Variants in FRS2 observed in about 807,000 individuals in gnomAD.
The protein encoded by FRS2 is FGFR signalling adaptor.
A neutral mutation model predicts 43.9 loss-of-function variants in FRS2; 8 were observed. That is an observed-to-expected ratio of 0.18 (90% CI 0.11 to 0.33). FRS2 has a LOEUF of 0.33. Ranked by LOEUF, FRS2 falls within the 10% of genes least tolerant of loss-of-function variation. FRS2 has a pLI of 1.00. For synonymous variants in FRS2, 219 were observed against 220.3 expected (o/e 0.99, Z 0.05); for missense variants, 534 against 627.6 (o/e 0.85, Z 1.59).
In FRS2 at chr12:69,503,468, A is replaced by C. The variant is rs906240844; in HGVS notation, c.-260-27397A>C. 2.6e-5 allele frequency among the ~76,000 whole-genome samples: 4 copies of C among 152,174 alleles called. No individual in the cohort carries two copies. The South Asian group carries it at 8.3e-4, about 31-fold the overall frequency. The stretch of plus-strand genomic sequence containing the variant: ...TTACAGGGTATATACATCATGGAGC[A>C]GGGATTTTGGATCTTAGAATTCTGC... On this transcript the variant is annotated intron_variant, in intron 1 of 8. Coordinates refer to ENST00000549921, the MANE Select transcript of FRS2 (RefSeq NM_001278356.2).
chr12:69,501,314 C>T (rs2135545572), intron 1 of FRS2, among the ~76,000 whole-genome samples: 1 of 152,258 alleles, frequency 6.6e-6, no homozygotes, highest in South Asian at 2.1e-4. Flanking sequence ...GAAGTACAGA[C>T]TGCTCATGGC....
rs1438078211 is a variant in FRS2 at position 69,470,392 on chromosome 12, A to G, written c.-399A>G. ...GCTCCCCCGGAAGTGCTTTTCCAAGATTCGGGCCGGAGAGAGGCCTTGTAG... is the reference window on the plus strand; with the variant it reads ...GCTCCCCCGGAAGTGCTTTTCCAAGGTTCGGGCCGGAGAGAGGCCTTGTAG... On this transcript the variant is annotated 5_prime_UTR_variant, in exon 1 of 9. Transcript: ENST00000549921. 1 of 398,374 alleles carries G rather than the reference A, an allele frequency of 2.5e-6. No individual in the cohort carries two copies. The highest frequency in any genetic ancestry group is 2.1e-5 in the African/African-American group (1 of 48,548). The allele number at this position is 398,374 out of a possible 1,614,324, so 24.7% of individuals were successfully genotyped here. A position where few individuals can be genotyped will look rare whatever the true frequency, so the allele number is the denominator to read the frequency against.
rs1416126951 is a variant in FRS2, at chr12:69,574,005, G to A, written c.577G>A (p.Val193Ile). Reference protein sequence around the residue: ...THPLLVAEEQVHTYVNTTGVQ... With the variant: ...THPLLVAEEQIHTYVNTTGVQ... Reference sequence around the variant, plus strand: ...TAATTCACTTTCTGTTTTGTTTTAGGTACATACCTATGTCAACACTACAGG... The same window carrying A: ...TAATTCACTTTCTGTTTTGTTTTAGATACATACCTATGTCAACACTACAGG... The change falls in exon 9 of 9, where the codon GTA (valine) becomes ATA (isoleucine). Residue 193 changes from valine to isoleucine, a missense_variant and splice_region_variant. This residue lies in a region of FRS2 where 446 missense variants were observed against 494.2 expected (regional missense o/e 0.90). Coordinates refer to ENST00000549921, the MANE Select transcript of FRS2 (RefSeq NM_001278356.2). The A allele has an allele frequency of 2.5e-6, 4 of 1,592,480 alleles. No homozygotes were observed. The highest frequency in any genetic ancestry group is 2.7e-5 in the African/African-American group (2 of 73,848).
In FRS2 at chr12:69,555,707, C is replaced by T. The variant is rs767377297; in HGVS notation, c.-121-6473C>T. On this transcript the variant is annotated intron_variant, in intron 3 of 8. Coordinates refer to ENST00000549921, the MANE Select transcript of FRS2 (RefSeq NM_001278356.2). The stretch of plus-strand genomic sequence containing the variant: ...CACTTGAGTGTGCACGTGTTTTGGT[C>T]CATACAGAGGCACTGGAACCAATAC... Among the ~76,000 whole-genome samples, 52 of 152,180 alleles carry T rather than the reference C, an allele frequency of 3.4e-4. 1 individual carries two copies. The highest frequency in any genetic ancestry group is 3.4e-3 in the Middle Eastern group (1 of 294).
intron 1 of FRS2, among the ~76,000 whole-genome samples, chr12:69,512,963 G>T (rs960006417): frequency 7.2e-5 from 11 of 152,052 alleles, no homozygotes; most frequent in Non-Finnish European, 1.0e-4. Flanking sequence ...ATTTTGAAGG[G>T]CAAAAGGAAG....
In FRS2 at chr12:69,553,522, ATTG is replaced by A. The variant is rs556591460; in HGVS notation, c.-121-8654_-121-8652del. Among the ~76,000 whole-genome samples the A allele has an allele frequency of 8.5e-5, 13 of 152,142 alleles. No individual in the cohort carries two copies. In the East Asian group the frequency reaches 2.1e-3, roughly 25 times the overall value. On this transcript the variant is annotated intron_variant, in intron 3 of 8. Transcript: ENST00000549921. Reference sequence around the variant, plus strand: ...TACCTTTAAATTTTGATTGGAGAATATTGTTGATTAAATTTTCCCTTCTTATGG... The same window carrying A: ...TACCTTTAAATTTTGATTGGAGAATATTGATTAAATTTTCCCTTCTTATGG...
rs528339028 is a variant in FRS2, at chr12:69,496,342, C to G, written c.-261+25812C>G. ...ATCCCAGTTACTCAGGCGGCTGAGG[C>G]AAGAGAATTGCTTGAACCGGCGAGG... On this transcript the variant is annotated intron_variant, in intron 1 of 8. Transcript: ENST00000549921. 5.9e-5 allele frequency among the ~76,000 whole-genome samples: 9 copies of G among 152,016 alleles called. 1 individual carries two copies. The East Asian group carries it at 1.7e-3, about 30-fold the overall frequency.
At chr12:69,529,023 C>T (rs1876532980) in intron 1 of FRS2, among the ~76,000 whole-genome samples, 2 of 152,194 alleles carry the variant, frequency 1.3e-5, no homozygotes, top group Admixed American at 6.5e-5. Context: ...TGGGGGATAG[C>T]AGATCATGGT....
intron 1 of FRS2, among the ~76,000 whole-genome samples, chr12:69,509,037 T>C (rs915616134): frequency 2.0e-5 from 3 of 152,248 alleles, no homozygotes; most frequent in African/African-American, 7.2e-5. Context: ...TTTCTTGTTA[T>C]TAATTCATTT....
rs1359961809 is a variant in FRS2 at position 69,575,447 on chromosome 12, A to G, written c.*492A>G. 6.5e-6 allele frequency: 1 copy of G among 154,098 alleles called. No homozygotes were observed. Among genetic ancestry groups the G allele is most frequent in the African/African-American group, 2.4e-5 (1 of 41,456 alleles). The allele number at this position is 154,098 out of a possible 1,614,324, so 9.5% of individuals were successfully genotyped here. ...CATTAATTAATGGCTTTTTGACTTG[A>G]GCCAAAACATATGTAAAGGAAACAG... On this transcript the variant is annotated 3_prime_UTR_variant, in exon 9 of 9. Coordinates refer to ENST00000549921, the MANE Select transcript of FRS2 (RefSeq NM_001278356.2).
In FRS2 at chr12:69,536,180, A is replaced by G. The variant is rs147771813; in HGVS notation, c.-122+4124A>G. On this transcript the variant is annotated intron_variant, in intron 3 of 8. Transcript: ENST00000549921. Reference sequence around the variant, plus strand: ...TACTCTGTTACCCAGGCTGGAGTGTAGTGGCATGATCTCAGCTCACTGCAA... The same window carrying G: ...TACTCTGTTACCCAGGCTGGAGTGTGGTGGCATGATCTCAGCTCACTGCAA... Among the ~76,000 whole-genome samples, 49 of 117,096 alleles carry G rather than the reference A, an allele frequency of 4.2e-4. 3 individuals carry two copies. In the East Asian group the frequency reaches 6.1e-3, roughly 15 times the overall value. The allele number at this position is 117,096 out of a possible 152,430, so 76.8% of individuals were successfully genotyped here. A position where few individuals can be genotyped will look rare whatever the true frequency, so the allele number is the denominator to read the frequency against.
rs536498953 is a variant in FRS2 at position 69,569,006 on chromosome 12, G to T, written c.-25G>T. ...TTTTCCAAATTATTTTTCATGTAGT[G>T]CACACATGGTCTTCTGAAGAAGCCA... On this transcript the variant is annotated splice_region_variant and 5_prime_UTR_variant, in exon 5 of 9. Coordinates refer to ENST00000549921, the MANE Select transcript of FRS2 (RefSeq NM_001278356.2). 5 of 1,534,180 alleles carry T rather than the reference G, an allele frequency of 3.3e-6. No homozygotes were observed. Among genetic ancestry groups the T allele is most frequent in the Middle Eastern group, 1.7e-4 (1 of 5,864 alleles).
chr12:69,568,438 G>C (rs758723945), intron 4 of FRS2, among the ~76,000 whole-genome samples: 2 of 152,076 alleles, frequency 1.3e-5, no homozygotes, highest in African/African-American at 2.4e-5. Flanking sequence ...TGTAGTCCCA[G>C]CTACTCAGGA....
At position 69,570,367 on chromosome 12, in the gene FRS2, T is replaced by C; in HGVS notation, c.103T>C (p.Ser35Pro). 1 of 1,614,058 alleles carries C rather than the reference T, an allele frequency of 6.2e-7. No homozygotes were observed. Among genetic ancestry groups the C allele is most frequent in the South Asian group, 1.1e-5 (1 of 91,086 alleles). ...GGATGATGATGGGAATGAGTTAGGT[T>C]CTGGCATAATGGAACTTACAGACAC... is the stretch of plus-strand genomic sequence containing the variant. ...NVDDDGNELG[S>P]GIMELTDTEL... Residue 35 changes from serine to proline, a missense_variant, in exon 6 of 9, where the codon TCT (serine) becomes CCT (proline). By Grantham distance (74) the Ser-to-Pro change is moderately conservative (BLOSUM62 -1). Coordinates refer to ENST00000549921, the MANE Select transcript of FRS2 (RefSeq NM_001278356.2).
chr12:69,532,895 T>C (rs1280901332), intron 3 of FRS2, among the ~76,000 whole-genome samples: 1 of 152,258 alleles, frequency 6.6e-6, no homozygotes, highest in South Asian at 2.1e-4. Flanking sequence ...AAGAGAATTA[T>C]ACATCAGGTA....
At chr12:69,514,807 G>A (rs1874821819) in intron 1 of FRS2, among the ~76,000 whole-genome samples, 1 of 145,958 alleles carries the variant, frequency 6.9e-6, no homozygotes, top group South Asian at 2.3e-4. Context: ...ACTCCAGCCT[G>A]GGCAACAGAG....
At chr12:69,485,713 C>T (rs1407766884) in intron 1 of FRS2, among the ~76,000 whole-genome samples, 1 of 152,090 alleles carries the variant, frequency 6.6e-6, no homozygotes, top group Admixed American at 6.6e-5. Context: ...GGTGATCCGC[C>T]CACCTTGGCC....
intron 1 of FRS2, among the ~76,000 whole-genome samples, chr12:69,485,881 T>A (rs561608527): frequency 6.6e-6 from 1 of 152,344 alleles, no homozygotes; most frequent in African/African-American, 2.4e-5. Context: ...ATTAAGATCC[T>A]CTATGTGATA....
rs377375636 is a variant in FRS2, at chr12:69,472,154, A to G, written c.-261+1624A>G. 3.3e-5 allele frequency among the ~76,000 whole-genome samples: 5 copies of G among 151,910 alleles called. No homozygotes were observed. In the South Asian group the frequency reaches 1.0e-3, roughly 32 times the overall value. The stretch of plus-strand genomic sequence containing the variant: ...CAGGCTGCAGCACAGTGGCCCCATC[A>G]TAGCTCACTGCAGCCTCCAACTCCT... On this transcript the variant is annotated intron_variant, in intron 1 of 8. Transcript: ENST00000549921.
Sources: allele counts gnomAD v4.1 joint callset (sites outside exome capture counted in the v4.1 genomes callset), GRCh38; gene constraint gnomAD v4.1.1; regional missense constraint gnomAD v4.1.1; transcripts MANE v1.5; gene names NCBI Gene and HGNC (gene_info 2026-07-23, HGNC 2026-07-21).